Variants in CERS6 observed in about 807,000 individuals in gnomAD.
CERS6 encodes the protein ceramide synthase 6, also known as LAG1 homolog, ceramide synthase 6.
A neutral mutation model predicts 56.8 loss-of-function variants in CERS6; 26 were observed. The observed-to-expected ratio is 0.46, with a 90% CI of 0.34 to 0.63. The LOEUF (loss-of-function observed/expected upper bound fraction) is 0.63, where lower values mean the gene tolerates loss of function less well. CERS6 is among the 30% of genes least tolerant of loss of function. The probability of loss-of-function intolerance (pLI) is 0.01; values close to 1 mark genes in which losing one functional copy is unlikely to be tolerated. For missense variants in CERS6, 415 were observed against 467.5 expected (o/e 0.89, Z 1.04); for synonymous variants, 164 against 173.3 (o/e 0.95, Z 0.42).
intron 3 of CERS6, among the ~76,000 whole-genome samples, chr2:168,600,945 A>C (rs1394184611): frequency 6.6e-6 from 1 of 152,180 alleles, no homozygotes. Flanking sequence ...ACTACAAAAT[A>C]TTTTCAGTGC....
At chr2:168,510,199 G>T (rs994473271) in intron 1 of CERS6, among the ~76,000 whole-genome samples, 3 of 151,882 alleles carry the variant, frequency 2.0e-5, no homozygotes, top group African/African-American at 7.3e-5. Context: ...CCTCCATAAG[G>T]ATTAAGTGGT....
chr2:168,513,459 G>A (rs955975130), intron 1 of CERS6, among the ~76,000 whole-genome samples: 4 of 152,088 alleles, frequency 2.6e-5, no homozygotes, highest in Non-Finnish European at 5.9e-5. Context: ...TCTTGTTTAT[G>A]ACTTGAGCAG....
At chr2:168,495,328 T>TTAAAA (rs1694446863) in intron 1 of CERS6, among the ~76,000 whole-genome samples, 1 of 152,240 alleles carries the variant, frequency 6.6e-6, no homozygotes, top group Non-Finnish European at 1.5e-5. Context: ...AAAAGTAAAG[T>TTAAAA]GTTTTATTTA....
intron 1 of CERS6, among the ~76,000 whole-genome samples, chr2:168,497,866 G>T (rs1694500739): frequency 6.6e-6 from 1 of 152,154 alleles, no homozygotes; most frequent in Non-Finnish European, 1.5e-5. Flanking sequence ...ATAAAATCGA[G>T]ACTGGAGATG....
rs564414310 is a variant in CERS6, at chr2:168,668,014, G to A, written c.466-23020G>A. Among the ~76,000 whole-genome samples the A allele has an allele frequency of 3.2e-4, 49 of 152,298 alleles. 1 individual carries two copies. The South Asian group carries it at 9.8e-3, about 30-fold the overall frequency. ...GTTAACAGACAAATCTGAAAAAGTAGGTGGAGGGCAGATCGTAAGTTGTAA... is the reference window on the plus strand; with the variant it reads ...GTTAACAGACAAATCTGAAAAAGTAAGTGGAGGGCAGATCGTAAGTTGTAA... On this transcript the variant is annotated intron_variant, in intron 4 of 9. Coordinates refer to ENST00000305747, the MANE Select transcript of CERS6 (RefSeq NM_203463.3).
At chr2:168,763,688 G>A (rs1354493710) in intron 8 of CERS6, among the ~76,000 whole-genome samples, 1 of 151,972 alleles carries the variant, frequency 6.6e-6, no homozygotes, top group Non-Finnish European at 1.5e-5. Flanking sequence ...TCTTAAATTC[G>A]AGAGTTTTCT....
rs557477145 is a variant in CERS6, at chr2:168,651,782, G to A, written c.465+20740G>A. Among the ~76,000 whole-genome samples the A allele has an allele frequency of 8.5e-5, 13 of 152,194 alleles. 1 individual carries two copies. The South Asian group carries it at 2.7e-3, about 32-fold the overall frequency. On this transcript the variant is annotated intron_variant, in intron 4 of 9. Coordinates refer to ENST00000305747, the MANE Select transcript of CERS6 (RefSeq NM_203463.3). ...ACAATTTGAGATGAGATTTGGGTGG[G>A]GACACAGAGCCAAACCATATCAGTA...
chr2:168,476,462 T>C (rs961685096), intron 1 of CERS6, among the ~76,000 whole-genome samples: 1 of 151,978 alleles, frequency 6.6e-6, no homozygotes, highest in African/African-American at 2.4e-5. Context: ...AGAAAACCAA[T>C]AGGATGGATG....
At chr2:168,571,854 C>T (rs1326535924) in intron 3 of CERS6, among the ~76,000 whole-genome samples, 5 of 152,134 alleles carry the variant, frequency 3.3e-5, no homozygotes, top group Non-Finnish European at 7.4e-5. Context: ...TTTAAATTTA[C>T]AATTCAGTTA....
At chr2:168,696,995 T>TTTCTTGGTTAAA (rs1287444667) in intron 6 of CERS6, among the ~76,000 whole-genome samples, 1 of 152,172 alleles carries the variant, frequency 6.6e-6, no homozygotes, top group African/African-American at 2.4e-5. Flanking sequence ...TAATGTATCA[T>TTTCTTGGTTAAA]TTCTTGGTTA....
intron 3 of CERS6, among the ~76,000 whole-genome samples, chr2:168,612,732 G>C (rs1033184311): frequency 2.3e-4 from 35 of 152,316 alleles, no homozygotes; most frequent in African/African-American, 8.4e-4. Flanking sequence ...TGTAAGAATT[G>C]CTCTTTGGTG....
Position 168,561,030 on chromosome 2 carries a change from C to CTA in CERS6, c.277-161_277-160dup, listed in dbSNP as rs1450179835. Among the ~76,000 whole-genome samples the CTA allele has an allele frequency of 2.0e-5, 3 of 151,994 alleles. No individual in the cohort carries two copies. In the East Asian group the frequency reaches 5.8e-4, roughly 29 times the overall value. ...CTAGTGGTTATTTTTGTTCATGCTG[C>CTA]TAGTGGAAGGCCTCGGTCCTCAGAG... On this transcript the variant is annotated intron_variant, in intron 2 of 9. Coordinates refer to ENST00000305747, the MANE Select transcript of CERS6 (RefSeq NM_203463.3).
chr2:168,485,935 A>G (rs916640485), intron 1 of CERS6, among the ~76,000 whole-genome samples: 3 of 152,196 alleles, frequency 2.0e-5, no homozygotes, highest in South Asian at 2.1e-4. Flanking sequence ...AGAAACTGCA[A>G]AACTGTTTTC....
intron 2 of CERS6, among the ~76,000 whole-genome samples, chr2:168,550,522 A>T (rs1049526983): frequency 6.6e-6 from 1 of 152,112 alleles, no homozygotes; most frequent in African/African-American, 2.4e-5. Flanking sequence ...CCCTAATGGC[A>T]TGGGGAGACT....
At chr2:168,573,632 T>C (rs1306973417) in intron 3 of CERS6, among the ~76,000 whole-genome samples, 1 of 152,006 alleles carries the variant, frequency 6.6e-6, no homozygotes, top group Non-Finnish European at 1.5e-5. Flanking sequence ...GTGCCGGGAG[T>C]CACTGAGATT....
intron 3 of CERS6, among the ~76,000 whole-genome samples, chr2:168,625,009 G>A (rs976590): frequency 0.99 from 151,202 of 152,302 alleles, 75,067 homozygotes; most frequent in East Asian, 1. Flanking sequence ...AATAATTTGT[G>A]AGATACAGCG....
chr2:168,518,237 G>C (rs2105354626), intron 1 of CERS6, among the ~76,000 whole-genome samples: 1 of 152,176 alleles, frequency 6.6e-6, no homozygotes, highest in East Asian at 1.9e-4. Context: ...ACTGTTTTTT[G>C]GTTGTTTGGA....
chr2:168,650,851 A>G (rs1685325564), intron 4 of CERS6, among the ~76,000 whole-genome samples: 2 of 152,158 alleles, frequency 1.3e-5, no homozygotes. Flanking sequence ...TAAAAGCATC[A>G]ACAATTATTT....
chr2:168,459,604 C>G (rs769357034), intron 1 of CERS6, among the ~76,000 whole-genome samples: 1 of 151,506 alleles, frequency 6.6e-6, no homozygotes, highest in Non-Finnish European at 1.5e-5. Context: ...CTGTAGCGAC[C>G]AATTGATTGA....
Sources: gnomAD v4.1 joint callset for allele counts (sites outside exome capture counted in the v4.1 genomes callset) on GRCh38, gnomAD v4.1.1 for gene constraint, MANE v1.5 for transcripts, NCBI Gene and HGNC (gene_info 2026-07-23, HGNC 2026-07-21) for gene names.